The following ADAMTS15 variants were observed in gnomAD, a reference collection of about 807,000 sequenced individuals.
ADAMTS15 encodes ADAM metallopeptidase with thrombospondin type 1 motif 15.
In ADAMTS15, 35 loss-of-function variants were observed where a neutral mutation model predicts 79.1. The ratio of observed to expected loss-of-function variants is 0.44; its 90% CI spans 0.34 to 0.59. The LOEUF (loss-of-function observed/expected upper bound fraction) is 0.59. Among genes scored for constraint, ADAMTS15 ranks in the 20% least tolerant of loss-of-function variants. ADAMTS15 has a pLI of 0.02. For synonymous variants in ADAMTS15, 616 were observed against 567.3 expected (o/e 1.09, Z -1.22); for missense variants, 1,324 against 1,318.7 (o/e 1.00, Z -0.06).
At chr11:130,450,208 G>A (rs1191505052) in intron 1 of ADAMTS15, 1 of 985,334 alleles carries the variant, frequency 1.0e-6, no homozygotes, top group Non-Finnish European at 1.2e-6. Context: ...AGGCGCCGAG[G>A]GGCCGGAACC....
At position 130,474,967 on chromosome 11, in the gene ADAMTS15, G is replaced by A. The variant is rs995598011; in HGVS notation, c.*1146G>A. The A allele has an allele frequency of 6.6e-6, 1 of 152,358 alleles. No homozygotes were observed. Among genetic ancestry groups the A allele is most frequent in the Non-Finnish European group, 1.5e-5 (1 of 68,128 alleles). The allele number at this position is 152,358 out of a possible 1,614,324, so 9.4% of individuals were successfully genotyped here. Reference sequence around the variant, plus strand: ...AGCTACTGCTGTCTGCCCTGGGCACGTCACGTTGCATCCTAGGCCTTAGCT... The same window carrying A: ...AGCTACTGCTGTCTGCCCTGGGCACATCACGTTGCATCCTAGGCCTTAGCT... On this transcript the variant is annotated 3_prime_UTR_variant, in exon 8 of 8. Coordinates refer to ENST00000299164, the MANE Select transcript of ADAMTS15 (RefSeq NM_139055.4).
chr11:130,473,486 C>T lies in ADAMTS15; in HGVS notation c.2518C>T (p.Pro840Ser), dbSNP rs773181494. 1.9e-5 allele frequency: 30 copies of T among 1,611,030 alleles called. No homozygotes were observed. The South Asian group carries it at 3.2e-4, about 17-fold the overall frequency. ...NQVEQPDDRP[P>S]ARWVAGSWGP... Reference sequence around the variant, plus strand: ...GGTGGAGCAGCCGGACGACAGGCCCCCTGCACGCTGGGTGGCTGGCAGCTG... The same window carrying T: ...GGTGGAGCAGCCGGACGACAGGCCCTCTGCACGCTGGGTGGCTGGCAGCTG... Residue 840 changes from proline (P) to serine (S), a missense_variant, in exon 8 of 8, where the codon CCT becomes TCT. Coordinates refer to ENST00000299164, the MANE Select transcript of ADAMTS15 (RefSeq NM_139055.4).
At chr11:130,456,084 G>C (rs1938072705) in intron 1 of ADAMTS15, among the ~76,000 whole-genome samples, 1 of 152,154 alleles carries the variant, frequency 6.6e-6, no homozygotes, top group African/African-American at 2.4e-5. Context: ...GTGTGACCCT[G>C]GGCTAGTTAC....
chr11:130,462,104 C>T lies in ADAMTS15; in HGVS notation c.1108C>T (p.Pro370Ser). The T allele has an allele frequency of 6.2e-7, 1 of 1,613,688 alleles. No homozygotes were observed. The highest frequency in any genetic ancestry group is 8.5e-7 in the Non-Finnish European group (1 of 1,179,756). Residue 370 changes from proline (P) to serine (S), a missense_variant, in exon 3 of 8, where the codon CCC (proline) becomes TCC (serine). Transcript: ENST00000299164. This position sits in a 1 kb window ranked among gnomAD's most constrained non-coding sequence, Gnocchi z 4.3. ...AHELGHVFNM[P>S]HDNVKVCEEV... ...CCCCACAGGCCACGTGTTCAACATG[C>T]CCCATGACAATGTGAAAGTCTGTGA... is the stretch of plus-strand genomic sequence containing the variant.
chr11:130,470,866 G>C, intron 5 of ADAMTS15, 54 bp from the exon 6 acceptor site: 1 of 1,565,670 alleles, frequency 6.4e-7, no homozygotes, highest in South Asian at 1.2e-5. Context: ...CTTGTCCTTT[G>C]CACCGGCCTT....
intron 1 of ADAMTS15, among the ~76,000 whole-genome samples, chr11:130,450,918 CTG>C (rs1162181713): frequency 6.6e-6 from 1 of 152,168 alleles, no homozygotes; most frequent in African/African-American, 2.4e-5. Context: ...TAGAAGGAAA[CTG>C]AGTATTGGGA....
intron 4 of ADAMTS15, among the ~76,000 whole-genome samples, chr11:130,465,688 G>C (rs146033206): frequency 1.4e-4 from 22 of 152,014 alleles, no homozygotes; most frequent in African/African-American, 2.9e-4. Context: ...GTCAGTGACT[G>C]TTACCTTTCC....
chr11:130,460,350 C>G (rs988536092), intron 1 of ADAMTS15, among the ~76,000 whole-genome samples: 4 of 151,008 alleles, frequency 2.6e-5, no homozygotes, highest in African/African-American at 9.8e-5. Flanking sequence ...GATCTTGGCT[C>G]ACTGCAACCT....
chr11:130,468,939 CAAAAAAAAAA>C (rs911391031), intron 4 of ADAMTS15, among the ~76,000 whole-genome samples: 527 of 27,854 alleles, frequency 0.019, 9 homozygotes, highest in African/African-American at 0.049. Context: ...TCCACCTCAA[CAAAAAAAAAA>C]AAAAAAAAAA....
chr11:130,472,605 G>A lies in ADAMTS15; in HGVS notation c.2079-442G>A, dbSNP rs796073882. On this transcript the variant is annotated intron_variant, in intron 7 of 7. Transcript: ENST00000299164. The surrounding 1 kb of genome is among the most constrained non-coding windows in gnomAD (Gnocchi z 4.7). ...GGCTGGATCTGCGTCCCTGCCTCCA[G>A]GGCCAGTGTCCTCTCACTGCATTGA... Among the ~76,000 whole-genome samples, 59 of 152,296 alleles carry A rather than the reference G, an allele frequency of 3.9e-4. No homozygotes were observed. Among genetic ancestry groups the A allele is most frequent in the African/African-American group, 1.4e-3 (57 of 41,550 alleles).
Position 130,449,432 on chromosome 11 carries a change from C to G in ADAMTS15, c.459C>G (p.Gly153=). 1 of 1,591,404 alleles carries G rather than the reference C, an allele frequency of 6.3e-7. No individual in the cohort carries two copies. The highest frequency in any genetic ancestry group is 8.5e-7 in the Non-Finnish European group (1 of 1,172,820). The change falls in exon 1 of 8, where the codon GGC becomes GGG. Residue 153 remains glycine, a synonymous_variant. Transcript: ENST00000299164. The surrounding 1 kb of genome is among the most constrained non-coding windows in gnomAD (Gnocchi z 7.8). ...CGGCGGCGCAGCGCAACAGCCAGGG[C>G]GCACACCTTCTCCAGCGCCGGGGTG... ...SAPAAQRNSQ[G]AHLLQRRGVP... is the part of the protein sequence containing the mutation.
chr11:130,461,738 C>A, intron 2 of ADAMTS15, 117 bp downstream of exon 2: 1 of 1,422,510 alleles, frequency 7.0e-7, no homozygotes, highest in Non-Finnish European at 9.5e-7. Flanking sequence ...CTTCTTAGGG[C>A]ACAGTGAGCC....
In ADAMTS15 at chr11:130,469,369, C is replaced by T. The variant is rs373357559; in HGVS notation, c.1650C>T (p.Asn550=). 38 of 1,361,804 alleles carry T rather than the reference C, an allele frequency of 2.8e-5. No individual in the cohort carries two copies. The highest frequency in any genetic ancestry group is 2.0e-4 in the Middle Eastern group (1 of 5,028). 84.4% of individuals were successfully genotyped at this position (1,361,804 alleles called of 1,614,324 possible). Residue 550 remains asparagine (N), a synonymous_variant, in exon 5 of 8, where the codon AAC becomes AAT. Transcript: ENST00000299164. ...AGTGCACCAACCCCACCCCTGCCAA[C>T]GGGGGCAAGTACTGCGAGGGAGTGA... ...RRQCTNPTPA[N]GGKYCEGVRV...
Position 130,475,214 on chromosome 11 carries a change from T to C in ADAMTS15, c.*1393T>C, listed in dbSNP as rs1375838110. The C allele has an allele frequency of 6.6e-6, 1 of 151,912 alleles. No homozygotes were observed. Among genetic ancestry groups the C allele is most frequent in the African/African-American group, 2.4e-5 (1 of 41,330 alleles). 9.4% of individuals were successfully genotyped at this position (151,912 alleles called of 1,614,324 possible). Reference sequence around the variant, plus strand: ...AGGGCCTCTTCAGACTCCTTGGGAGTAGGTTTCAGGAGGCACCAAGAATCA... The same window carrying C: ...AGGGCCTCTTCAGACTCCTTGGGAGCAGGTTTCAGGAGGCACCAAGAATCA... On this transcript the variant is annotated 3_prime_UTR_variant, in exon 8 of 8. Transcript: ENST00000299164.
chr11:130,470,186 G>A (rs2324059), intron 5 of ADAMTS15, among the ~76,000 whole-genome samples: 28,898 of 64,662 alleles, frequency 0.45, 6,759 homozygotes, highest in East Asian at 0.71. Context: ...ATATATGTGT[G>A]TATATATATA....
chr11:130,467,998 A>T (rs1938338100), intron 4 of ADAMTS15, among the ~76,000 whole-genome samples: 1 of 152,210 alleles, frequency 6.6e-6, no homozygotes, highest in African/African-American at 2.4e-5. Context: ...GAAGAAAAAC[A>T]TTCACGTCTA....
Position 130,449,070 on chromosome 11 carries a change from C to G in ADAMTS15, c.97C>G (p.Pro33Ala). Residue 33 changes from proline to alanine, a missense_variant, in exon 1 of 8, where the codon CCG becomes GCG. Physicochemically the swap from Pro to Ala is conservative, Grantham distance 27. Transcript: ENST00000299164. The surrounding 1 kb of genome is among the most constrained non-coding windows in gnomAD (Gnocchi z 7.8). Reference protein sequence around the residue: ...REVVVPIRLDPDINGRRYYWR... With the variant: ...REVVVPIRLDADINGRRYYWR... ...GGTAGTCGTTCCCATCCGACTGGAC[C>G]CGGACATTAACGGCCGCCGCTACTA... 6.4e-7 allele frequency: 1 copy of G among 1,573,952 alleles called. No homozygotes were observed. Among genetic ancestry groups the G allele is most frequent in the Non-Finnish European group, 8.6e-7 (1 of 1,156,282 alleles).
chr11:130,475,612 C>T lies in ADAMTS15; in HGVS notation c.*1791C>T, dbSNP rs1220421444. The T allele has an allele frequency of 6.6e-6, 1 of 152,276 alleles. No individual in the cohort carries two copies. The highest frequency in any genetic ancestry group is 1.5e-5 in the Non-Finnish European group (1 of 68,118). The allele number at this position is 152,276 out of a possible 1,614,324, so 9.4% of individuals were successfully genotyped here. ...CAAGCCTCTGCGATGATGTTCTCAT[C>T]CGGTCTAACGCTGGGCTGGAAACCT... On this transcript the variant is annotated 3_prime_UTR_variant, in exon 8 of 8. Transcript: ENST00000299164.
At position 130,449,862 on chromosome 11, in the gene ADAMTS15, A is replaced by G. The variant is rs1937926803; in HGVS notation, c.889A>G (p.Lys297Glu). ...GCTGCGCAACTTCTGTGCCTGGCAG[A>G]AGAAGCTGAACAAAGTGAGTGACAA... ...LTLRNFCAWQ[K>E]KLNKVSDKHP... is the part of the protein sequence containing the mutation. The change falls in exon 1 of 8, where the codon AAG becomes GAG. Residue 297 changes from lysine (K) to glutamate (E), a missense_variant. Coordinates refer to ENST00000299164, the MANE Select transcript of ADAMTS15 (RefSeq NM_139055.4). This position sits in a 1 kb window ranked among gnomAD's most constrained non-coding sequence, Gnocchi z 7.8. 1 of 1,605,174 alleles carries G rather than the reference A, an allele frequency of 6.2e-7. No individual in the cohort carries two copies.
Sources: allele counts gnomAD v4.1 joint callset (sites outside exome capture counted in the v4.1 genomes callset), GRCh38; gene constraint gnomAD v4.1.1; non-coding constraint Gnocchi (gnomAD v3.1); transcripts MANE v1.5; gene names NCBI Gene and HGNC (gene_info 2026-07-23, HGNC 2026-07-21).